OR8G1: variants seen among roughly 807,000 people sequenced by gnomAD.
OR8G1 encodes olfactory receptor 8G1.
For missense variants in OR8G1, 372 were observed against 356.2 expected, an observed-to-expected ratio of 1.04 and a Z score of -0.36; for synonymous variants, 129 against 133.3, an observed-to-expected ratio of 0.97 and a Z score of 0.22.
rs1471526456 is a variant in OR8G1, at chr11:124,249,844, AC to A, written c.173del (p.Pro58LeufsTer26). On this transcript the variant is annotated frameshift_variant, in exon 3 of 3. Transcript: ENST00000641972. LOFTEE classifies it low-confidence loss of function (END_TRUNC). ...TLIWLSSHLHTPMYYFLSSLS... is the reference protein window; with the variant it reads ...TLIWLSSHLHXPMYYFLSSLS... ...GATTTGGCTCAGTTCTCACCTGCAC[AC>A]CCCTATGTACTATTTCCTCAGCAGT... 6.2e-7 allele frequency: 1 copy of A among 1,613,692 alleles called. No homozygotes were observed. Among genetic ancestry groups the A allele is most frequent in the African/African-American group, 1.3e-5 (1 of 74,756 alleles).
rs191369801 is a variant in OR8G1 at position 124,250,380 on chromosome 11, C to G, written c.705C>G (p.Ser235=). ...ILHIRSTEGR[S]KAFSTCSSHM... is the part of the protein sequence containing the mutation. ...ACATTCGCTCCACTGAGGGCAGGTC[C>G]AAAGCCTTCAGCACTTGTAGCTCCC... The change falls in exon 3 of 3, where the codon TCC becomes TCG. Residue 235 remains serine, a synonymous_variant. Transcript: ENST00000641972. 8,462 of 1,613,792 alleles carry G rather than the reference C, an allele frequency of 5.2e-3. 35 individuals are homozygous for G. Among genetic ancestry groups the G allele is most frequent in the Non-Finnish European group, 5.8e-3 (6,827 of 1,179,828 alleles).
intron 2 of OR8G1, among the ~76,000 whole-genome samples, chr11:124,248,859 GATTA>G (rs908603185): frequency 3.3e-5 from 5 of 152,140 alleles, no homozygotes; most frequent in African/African-American, 1.2e-4. Flanking sequence ...CTTACTTTCT[GATTA>G]ATAAGTCTGC....
rs1165255914 is a variant in OR8G1, at chr11:124,251,275, A to G, written c.*664A>G. On this transcript the variant is annotated 3_prime_UTR_variant, in exon 3 of 3. Coordinates refer to ENST00000641972, the MANE Select transcript of OR8G1 (RefSeq NM_001002905.2). ...GTTTATTGCCACGTCTCCAGCGTCT[A>G]TCATAGTTCTTGCCACCTTAGGTCC... 1.4e-4 allele frequency: 13 copies of G among 95,828 alleles called. 2 individuals carry two copies. Among genetic ancestry groups the G allele is most frequent in the African/African-American group, 2.7e-4 (5 of 18,184 alleles). 5.9% of individuals were successfully genotyped at this position (95,828 alleles called of 1,614,324 possible). A position where few individuals can be genotyped will look rare whatever the true frequency, so the allele number is the denominator to read the frequency against.
chr11:124,248,276 C>G (rs2137748761), intron 2 of OR8G1, among the ~76,000 whole-genome samples: 1 of 151,784 alleles, frequency 6.6e-6, no homozygotes, highest in South Asian at 2.1e-4. Context: ...ATATGTATTT[C>G]CATAGAATTG....
chr11:124,243,351 T>C lies in OR8G1; in HGVS notation c.-97+1987T>C, dbSNP rs908471840. ...GTAAAGTATTTTTCAGAGCCTCATA[T>C]TGATCCTATAGTGATCACATGAGGA... On this transcript the variant is annotated intron_variant, in intron 1 of 2. Transcript: ENST00000641972. Among the ~76,000 whole-genome samples, 15 of 152,080 alleles carry C rather than the reference T, an allele frequency of 9.9e-5. No homozygotes were observed. The South Asian group carries it at 2.1e-3, about 21-fold the overall frequency.
chr11:124,249,819 G>A lies in OR8G1; in HGVS notation c.144G>A (p.Leu48=). 6.2e-7 allele frequency: 1 copy of A among 1,613,986 alleles called. No homozygotes were observed. Among genetic ancestry groups the A allele is most frequent in the Non-Finnish European group, 8.5e-7 (1 of 1,179,956 alleles). The change falls in exon 3 of 3, where the codon CTG becomes CTA. Residue 48 remains leucine, a synonymous_variant. Coordinates refer to ENST00000641972, the MANE Select transcript of OR8G1 (RefSeq NM_001002905.2). ...TGGGCAACCTGGGCATGACCACACT[G>A]ATTTGGCTCAGTTCTCACCTGCACA... ...TVVGNLGMTT[L]IWLSSHLHTP...
At chr11:124,242,172 T>C (rs1487475186) in intron 1 of OR8G1, among the ~76,000 whole-genome samples, 1 of 152,068 alleles carries the variant, frequency 6.6e-6, no homozygotes, top group Admixed American at 6.6e-5. Context: ...TATTCATAAA[T>C]CTTTCAAATG....
At chr11:124,245,120 C>T (rs1350960715) in intron 1 of OR8G1, among the ~76,000 whole-genome samples, 1 of 150,864 alleles carries the variant, frequency 6.6e-6, no homozygotes, top group Admixed American at 6.6e-5. Flanking sequence ...CCCATTAACT[C>T]GTCATTTAGC....
intron 1 of OR8G1, 68 bp from the exon 2 acceptor site, chr11:124,247,733 T>G (rs143216466): frequency 6.6e-6 from 1 of 151,718 alleles, no homozygotes; most frequent in Admixed American, 6.6e-5. Flanking sequence ...GAGAGAGAAT[T>G]GTAGTATAGG....
chr11:124,250,957 A>T lies in OR8G1; in HGVS notation c.*346A>T, dbSNP rs1484468517. ...ATACCATCTTCCAAAAGTGATACCA[A>T]TCTCCCTTATTCTGTCTTTTCAATA... On this transcript the variant is annotated 3_prime_UTR_variant, in exon 3 of 3. Coordinates refer to ENST00000641972, the MANE Select transcript of OR8G1 (RefSeq NM_001002905.2). 4 of 116,764 alleles carry T rather than the reference A, an allele frequency of 3.4e-5. 2 individuals are homozygous for T. Among genetic ancestry groups the T allele is most frequent in the Non-Finnish European group, 6.7e-5 (4 of 60,084 alleles). The allele number at this position is 116,764 out of a possible 1,614,324, so 7.2% of individuals were successfully genotyped here. A position where few individuals can be genotyped will look rare whatever the true frequency, so the allele number is the denominator to read the frequency against.
intron 1 of OR8G1, among the ~76,000 whole-genome samples, chr11:124,245,823 T>C (rs183164269): frequency 2.6e-4 from 40 of 151,478 alleles, no homozygotes; most frequent in African/African-American, 9.7e-4. Context: ...TTTTGAGAAG[T>C]GTCTGTTCAT....
At chr11:124,242,518 G>A (rs977587321) in intron 1 of OR8G1, among the ~76,000 whole-genome samples, 2 of 151,834 alleles carry the variant, frequency 1.3e-5, no homozygotes, top group Admixed American at 6.6e-5. Context: ...AGAACCCGAG[G>A]GCTACAGACC....
intron 1 of OR8G1, among the ~76,000 whole-genome samples, chr11:124,241,606 A>T (rs1490269083): frequency 2.6e-5 from 4 of 152,080 alleles, no homozygotes; most frequent in Non-Finnish European, 5.9e-5. Flanking sequence ...TGCTGTCTGG[A>T]AATCAGAGTT....
At position 124,254,347 on chromosome 11, in the gene OR8G1, T is replaced by C. The variant is rs1157419401; in HGVS notation, c.*3736T>C. 2 of 150,408 alleles carry C rather than the reference T, an allele frequency of 1.3e-5. No homozygotes were observed. Among genetic ancestry groups the C allele is most frequent in the East Asian group, 3.9e-4 (2 of 5,082 alleles). 9.3% of individuals were successfully genotyped at this position (150,408 alleles called of 1,614,324 possible). ...TTTATGTCTTCTTTTGAGAAATGTC[T>C]ATTTAGATGCTTTGCCTATTTTTAA... On this transcript the variant is annotated 3_prime_UTR_variant, in exon 3 of 3. Coordinates refer to ENST00000641972, the MANE Select transcript of OR8G1 (RefSeq NM_001002905.2).
At position 124,252,715 on chromosome 11, in the gene OR8G1, G is replaced by C. The variant is rs925696858; in HGVS notation, c.*2104G>C. On this transcript the variant is annotated 3_prime_UTR_variant, in exon 3 of 3. Coordinates refer to ENST00000641972, the MANE Select transcript of OR8G1 (RefSeq NM_001002905.2). ...CAGCAGACTTGAGGCACATTTATTAGCTGTGTGCAAGCTGAGAGTTAACTT... is the reference window on the plus strand; with the variant it reads ...CAGCAGACTTGAGGCACATTTATTACCTGTGTGCAAGCTGAGAGTTAACTT... 1 of 152,154 alleles carries C rather than the reference G, an allele frequency of 6.6e-6. No homozygotes were observed. The highest frequency in any genetic ancestry group is 1.5e-5 in the Non-Finnish European group (1 of 68,024). The allele number at this position is 152,154 out of a possible 1,614,324, so 9.4% of individuals were successfully genotyped here. A position where few individuals can be genotyped will look rare whatever the true frequency, so the allele number is the denominator to read the frequency against.
At chr11:124,242,294 C>T (rs887183531) in intron 1 of OR8G1, among the ~76,000 whole-genome samples, 2 of 152,008 alleles carry the variant, frequency 1.3e-5, no homozygotes, top group African/African-American at 4.8e-5. Flanking sequence ...TTTTGTGTGC[C>T]TTCCATCTTA....
intron 1 of OR8G1, among the ~76,000 whole-genome samples, chr11:124,243,311 A>G (rs1861777546): frequency 6.6e-6 from 1 of 151,964 alleles, no homozygotes; most frequent in South Asian, 2.1e-4. Flanking sequence ...ACAGAAGACT[A>G]TATTTTGTGT....
At chr11:124,244,307 A>G (rs1381232052) in intron 1 of OR8G1, among the ~76,000 whole-genome samples, 1 of 151,974 alleles carries the variant, frequency 6.6e-6, no homozygotes, top group Non-Finnish European at 1.5e-5. Flanking sequence ...TTTAATTATA[A>G]TCATATTTAC....
At chr11:124,249,092 C>T (rs1398024947) in intron 2 of OR8G1, among the ~76,000 whole-genome samples, 2 of 152,082 alleles carry the variant, frequency 1.3e-5, no homozygotes, top group Non-Finnish European at 2.9e-5. Flanking sequence ...GACCATAAAC[C>T]AGATAACTGT....
Sources: allele counts gnomAD v4.1 joint callset (sites outside exome capture counted in the v4.1 genomes callset), GRCh38; gene constraint gnomAD v4.1.1; transcripts MANE v1.5; gene names NCBI Gene and HGNC (gene_info 2026-07-23, HGNC 2026-07-21).